Variants in MYO5B observed in about 807,000 individuals in gnomAD.
MYO5B encodes the protein unconventional myosin-Vb.
MYO5B carries 143 observed loss-of-function variants against 229.3 expected under a neutral mutation model. That is an observed-to-expected ratio of 0.62 (90% CI 0.54 to 0.72). The LOEUF is 0.72. Among genes scored for constraint, MYO5B ranks in the 30% least tolerant of loss-of-function variants. The pLI is 0.00. For missense variants in MYO5B, 2,321 were observed against 2,331.0 expected (o/e 1.00, Z 0.09); for synonymous variants, 918 against 885.2 (o/e 1.04, Z -0.66).
intron 1 of MYO5B, among the ~76,000 whole-genome samples, chr18:50,118,117 T>C (rs1265014503): frequency 1.3e-5 from 2 of 152,144 alleles, no homozygotes; most frequent in African/African-American, 2.4e-5. Flanking sequence ...TGCCAAATGA[T>C]TGCAACTCAG....
intron 1 of MYO5B, among the ~76,000 whole-genome samples, chr18:50,108,872 T>C (rs1432436196): frequency 6.6e-6 from 1 of 152,220 alleles, no homozygotes; most frequent in African/African-American, 2.4e-5. Flanking sequence ...CTGCTTCCAT[T>C]ATACAGCTGG....
Position 49,974,464 on chromosome 18 carries a change from G to A in MYO5B, c.1208C>T (p.Ala403Val), listed in dbSNP as rs775978762. 5.0e-6 allele frequency: 8 copies of A among 1,614,154 alleles called. No homozygotes were observed. Among genetic ancestry groups the A allele is most frequent in the Non-Finnish European group, 8.5e-7 (1 of 1,180,018 alleles). Residue 403 changes from alanine to valine, a missense_variant, in exon 10 of 40, where the codon GCC becomes GTC. By Grantham distance (64) the Ala-to-Val change is moderately conservative (BLOSUM62 0). Around this residue, in one of 2 missense-constraint regions of MYO5B, gnomAD observed 2,113 missense variants for 2,044.7 expected, o/e 1.03. Coordinates refer to ENST00000285039, the MANE Select transcript of MYO5B (RefSeq NM_001080467.3). ...SLQQVINARNALAKHIYAQLF... is the reference protein window; with the variant it reads ...SLQQVINARNVLAKHIYAQLF... ...CTGGGCATAGATGTGCTTCGCCAGG[G>A]CGTTGCGCGCATTGATCACCTGCTG...
At chr18:50,052,040 A>T (rs1366199636) in intron 2 of MYO5B, among the ~76,000 whole-genome samples, 3 of 152,210 alleles carry the variant, frequency 2.0e-5, no homozygotes, top group Non-Finnish European at 2.9e-5. Flanking sequence ...GCGATCATTA[A>T]AAAGTCAGGA....
rs536716290 is a variant in MYO5B, at chr18:49,910,939, G to T, written c.2202+1123C>A. Among the ~76,000 whole-genome samples the T allele has an allele frequency of 3.1e-3, 474 of 152,332 alleles. 1 individual carries two copies. The highest frequency in any genetic ancestry group is 0.01 in the Middle Eastern group (3 of 294). The stretch of plus-strand genomic sequence containing the variant: ...TAATCCCCAAAATGTCTGGCACCAT[G>T]GAAATGTTTAAGGATTTGCCCCTCA... On this transcript the variant is annotated intron_variant, in intron 18 of 39. Transcript: ENST00000285039.
chr18:50,007,622 G>T (rs2026117143), intron 4 of MYO5B, among the ~76,000 whole-genome samples: 1 of 152,170 alleles, frequency 6.6e-6, no homozygotes, highest in Non-Finnish European at 1.5e-5. Context: ...TACTGGATAT[G>T]TTCAAGCCAC....
intron 39 of MYO5B, among the ~76,000 whole-genome samples, chr18:49,834,435 T>C (rs1479516449): frequency 1.3e-5 from 2 of 152,318 alleles, no homozygotes; most frequent in East Asian, 3.9e-4. Flanking sequence ...GTGGCCTGTT[T>C]TCTGAATCAC....
At chr18:49,859,430 T>C (rs1286242983) in intron 29 of MYO5B, among the ~76,000 whole-genome samples, 1 of 152,158 alleles carries the variant, frequency 6.6e-6, no homozygotes, top group Non-Finnish European at 1.5e-5. Flanking sequence ...ACAGACAAGA[T>C]TCCTGCCAGC....
In MYO5B at chr18:49,953,299, C is replaced by T. The variant is rs185840586; in HGVS notation, c.1713G>A (p.Thr571=). The T allele has an allele frequency of 2.2e-5, 36 of 1,614,008 alleles. No homozygotes were observed. Among genetic ancestry groups the T allele is most frequent in the Middle Eastern group, 1.6e-4 (1 of 6,082 alleles). Residue 571 remains threonine (T), a synonymous_variant, in exon 14 of 40, where the codon ACG becomes ACA. Coordinates refer to ENST00000285039, the MANE Select transcript of MYO5B (RefSeq NM_001080467.3). ...GGATATTGATCTGCTCTTCATACAC[C>T]GTGTCTCTGTTTTTCTCCAGAAAAC... ...SDGFLEKNRD[T]VYEEQINILK...
At chr18:49,979,203 C>T (rs562258057) in intron 9 of MYO5B, among the ~76,000 whole-genome samples, 3 of 152,178 alleles carry the variant, frequency 2.0e-5, no homozygotes, top group Non-Finnish European at 4.4e-5. Flanking sequence ...GCCCTCCTTC[C>T]CCCTAAGGTG....
chr18:49,942,808 G>A (rs549249176), intron 14 of MYO5B, among the ~76,000 whole-genome samples: 48 of 152,242 alleles, frequency 3.2e-4, no homozygotes, highest in Non-Finnish European at 6.0e-4. Context: ...TTGGTGTGGC[G>A]ATTCCTCAGG....
chr18:50,111,125 AT>A (rs1437014087), intron 1 of MYO5B, among the ~76,000 whole-genome samples: 2 of 152,258 alleles, frequency 1.3e-5, no homozygotes, highest in African/African-American at 4.8e-5. Context: ...GAAAGGGATA[AT>A]GCTCAGATTA....
intron 1 of MYO5B, among the ~76,000 whole-genome samples, chr18:50,148,007 C>T (rs2032533233): frequency 6.6e-6 from 1 of 151,142 alleles, no homozygotes; most frequent in Admixed American, 6.6e-5. Context: ...GGGATATCAC[C>T]ACCGATCCCA....
intron 22 of MYO5B, among the ~76,000 whole-genome samples, chr18:49,890,917 A>C (rs2024705447): frequency 6.6e-6 from 1 of 152,242 alleles, no homozygotes; most frequent in Non-Finnish European, 1.5e-5. Context: ...ATAGTAAGAC[A>C]ACTTTGAAAC....
chr18:50,153,651 T>C (rs938695065), intron 1 of MYO5B, among the ~76,000 whole-genome samples: 1 of 152,188 alleles, frequency 6.6e-6, no homozygotes, highest in East Asian at 1.9e-4. Context: ...GGTTTCGCCA[T>C]GTTGGCCAGG....
chr18:50,139,518 T>C (rs550352432), intron 1 of MYO5B, among the ~76,000 whole-genome samples: 8 of 152,280 alleles, frequency 5.3e-5, no homozygotes, highest in African/African-American at 1.9e-4. Flanking sequence ...TGGCACGACT[T>C]AGAGACAACC....
At chr18:50,145,225 T>A (rs912200787) in intron 1 of MYO5B, among the ~76,000 whole-genome samples, 22 of 152,108 alleles carry the variant, frequency 1.4e-4, no homozygotes, top group African/African-American at 5.3e-4. Flanking sequence ...CAGCTCCTCA[T>A]GCCTGCAATC....
At chr18:50,187,717 A>G (rs756303503) in intron 1 of MYO5B, among the ~76,000 whole-genome samples, 4 of 152,078 alleles carry the variant, frequency 2.6e-5, no homozygotes, top group African/African-American at 4.8e-5. Context: ...AGGTCTCGCT[A>G]TGTTGTCCAG....
Position 49,825,203 on chromosome 18 carries a change from T to C in MYO5B, c.*1268A>G, listed in dbSNP as rs544995611. On this transcript the variant is annotated 3_prime_UTR_variant, in exon 40 of 40. Coordinates refer to ENST00000285039, the MANE Select transcript of MYO5B (RefSeq NM_001080467.3). Reference sequence around the variant, plus strand: ...AAAAAAAGTGTGGAAAGAATATGGGTTTCCAATTGAATGCTTGCTTTTGAA... The same window carrying C: ...AAAAAAAGTGTGGAAAGAATATGGGCTTCCAATTGAATGCTTGCTTTTGAA... The C allele has an allele frequency of 2.6e-5, 4 of 152,254 alleles. No homozygotes were observed. Among genetic ancestry groups the C allele is most frequent in the South Asian group, 2.1e-4 (1 of 4,824 alleles). The allele number at this position is 152,254 out of a possible 1,614,324, so 9.4% of individuals were successfully genotyped here. A position where few individuals can be genotyped will look rare whatever the true frequency, so the allele number is the denominator to read the frequency against.
intron 22 of MYO5B, among the ~76,000 whole-genome samples, chr18:49,887,179 T>C (rs914764146): frequency 6.6e-6 from 1 of 152,146 alleles, no homozygotes; most frequent in South Asian, 2.1e-4. Flanking sequence ...TTTTAGATCA[T>C]AGGTTGTTGC....
Sources: gnomAD v4.1 joint callset for allele counts (sites outside exome capture counted in the v4.1 genomes callset) on GRCh38, gnomAD v4.1.1 for gene constraint, gnomAD v4.1.1 regional missense constraint, MANE v1.5 for transcripts, NCBI Gene and HGNC (gene_info 2026-07-23, HGNC 2026-07-21) for gene names.